Variants in H4C3 observed in about 807,000 individuals in gnomAD.
The protein encoded by H4C3 is histone H4.
H4C3 carries 10 observed loss-of-function variants against 5.3 expected under a neutral mutation model. The ratio of observed to expected loss-of-function variants is 1.87; its 90% CI spans 1.16 to 3.18. The LOEUF (loss-of-function observed/expected upper bound fraction) is 3.18. Among genes scored for constraint, H4C3 ranks in the 30% most tolerant of loss-of-function variants. The pLI is 0.00. For missense variants in H4C3, 191 were observed against 152.5 expected, an observed-to-expected ratio of 1.25 and a Z score of -1.33; for synonymous variants, 133 against 56.8, an observed-to-expected ratio of 2.34 and a Z score of -6.03.
chr6:26,104,304 A>G lies in H4C3; in HGVS notation c.*45A>G, dbSNP rs768755096. The stretch of plus-strand genomic sequence containing the variant: ...CCTGAGAACTTCAAAAAACAAAAAC[A>G]AAAAAACCCAAAGGCCCTTTTCAGG... On this transcript the variant is annotated 3_prime_UTR_variant, in exon 1 of 1. Transcript: ENST00000377803. The G allele has an allele frequency of 2.0e-6, 3 of 1,507,320 alleles. No homozygotes were observed. In the South Asian group the frequency reaches 4.0e-5, roughly 20 times the overall value. 93.4% of individuals were successfully genotyped at this position (1,507,320 alleles called of 1,614,324 possible).
In H4C3 at chr6:26,103,965, A is replaced by G. The variant is rs1763190965; in HGVS notation, c.18A>G (p.Lys6=). ...TAGGAATCATGTCTGGTCGCGGCAA[A>G]GGCGGAAAAGGCTTGGGGAAGGGTG... is the stretch of plus-strand genomic sequence containing the variant. The part of the protein sequence containing the change: MSGRG[K]GGKGLGKGGA... The change falls in exon 1 of 1, where the codon AAA becomes AAG. Residue 6 remains lysine, a synonymous_variant. Coordinates refer to ENST00000377803, the MANE Select transcript of H4C3 (RefSeq NM_003542.4). The G allele has an allele frequency of 3.1e-6, 5 of 1,607,780 alleles. No individual in the cohort carries two copies. In the African/African-American group the frequency reaches 4.0e-5, roughly 13 times the overall value.
rs763103771 is a variant in H4C3, at chr6:26,104,302, A to G, written c.*43A>G. ...CTCCTGAGAACTTCAAAAAACAAAA[A>G]CAAAAAAACCCAAAGGCCCTTTTCA... On this transcript the variant is annotated 3_prime_UTR_variant, in exon 1 of 1. Transcript: ENST00000377803. The G allele has an allele frequency of 1.6e-5, 24 of 1,523,480 alleles. No homozygotes were observed. Among genetic ancestry groups the G allele is most frequent in the Non-Finnish European group, 2.0e-5 (23 of 1,133,834 alleles). 94.4% of individuals were successfully genotyped at this position (1,523,480 alleles called of 1,614,324 possible).
Position 26,104,272 on chromosome 6 carries a change from G to A in H4C3, c.*13G>A. 6.3e-7 allele frequency: 1 copy of A among 1,578,768 alleles called. No homozygotes were observed. Among genetic ancestry groups the A allele is most frequent in the Non-Finnish European group, 8.6e-7 (1 of 1,158,804 alleles). On this transcript the variant is annotated 3_prime_UTR_variant, in exon 1 of 1. Coordinates refer to ENST00000377803, the MANE Select transcript of H4C3 (RefSeq NM_003542.4). ...CTTCGGCGGCTGAATCTAAGAATAC[G>A]CGGTCTCCTGAGAACTTCAAAAAAC...
rs1415498595 is a variant in H4C3 at position 26,104,007 on chromosome 6, T to G, written c.60T>G (p.Arg20=). The G allele has an allele frequency of 6.2e-7, 1 of 1,614,174 alleles. No individual in the cohort carries two copies. The highest frequency in any genetic ancestry group is 1.7e-5 in the Admixed American group (1 of 60,026). The change falls in exon 1 of 1, where the codon CGT becomes CGG. Residue 20 remains arginine (R), a synonymous_variant. Coordinates refer to ENST00000377803, the MANE Select transcript of H4C3 (RefSeq NM_003542.4). ...GLGKGGAKRH[R]KVLRDNIQGI... ...GGAAGGGTGGTGCTAAGCGCCATCGTAAGGTGCTCCGGGATAACATCCAGG... is the reference window on the plus strand; with the variant it reads ...GGAAGGGTGGTGCTAAGCGCCATCGGAAGGTGCTCCGGGATAACATCCAGG...
chr6:26,104,154 C>G lies in H4C3; in HGVS notation c.207C>G (p.Asp69Glu). Residue 69 changes from aspartate to glutamate, a missense_variant, in exon 1 of 1, where the codon GAC (aspartate) becomes GAG (glutamate). Physicochemically the swap from Asp to Glu is conservative, Grantham distance 45. Transcript: ENST00000377803. The stretch of plus-strand genomic sequence containing the variant: ...TTTTCTTAGAGAACGTTATTCGAGA[C>G]GCCGTCACCTATACGGAGCACGCCA... Reference protein sequence around the residue: ...LKVFLENVIRDAVTYTEHAKR... With the variant: ...LKVFLENVIREAVTYTEHAKR... The G allele has an allele frequency of 6.2e-7, 1 of 1,614,030 alleles. No individual in the cohort carries two copies. Among genetic ancestry groups the G allele is most frequent in the Non-Finnish European group, 8.5e-7 (1 of 1,180,018 alleles).
In H4C3 at chr6:26,104,132, T is replaced by C. The variant is rs768282563; in HGVS notation, c.185T>C (p.Phe62Ser). 21 of 1,614,140 alleles carry C rather than the reference T, an allele frequency of 1.3e-5. No homozygotes were observed. The highest frequency in any genetic ancestry group is 1.4e-5 in the Non-Finnish European group (17 of 1,180,012). The change falls in exon 1 of 1, where the codon TTC (phenylalanine) becomes TCC (serine). Residue 62 changes from phenylalanine to serine, a missense_variant. Physicochemically the swap from Phe to Ser is radical, Grantham distance 155. Coordinates refer to ENST00000377803, the MANE Select transcript of H4C3 (RefSeq NM_003542.4). The part of the protein sequence containing the change: ...YEETRGVLKV[F>S]LENVIRDAVT... ...GAGACTCGAGGTGTGCTTAAGGTTTTCTTAGAGAACGTTATTCGAGACGCC... is the reference window on the plus strand; with the variant it reads ...GAGACTCGAGGTGTGCTTAAGGTTTCCTTAGAGAACGTTATTCGAGACGCC...
In H4C3 at chr6:26,104,200, A is replaced by T. The variant is rs947589839; in HGVS notation, c.253A>T (p.Met85Leu). The change falls in exon 1 of 1, where the codon ATG (methionine) becomes TTG (leucine). Residue 85 changes from methionine (M) to leucine (L), a missense_variant. Transcript: ENST00000377803. ...EHAKRKTVTAMDVVYALKRQG... is the reference protein window; with the variant it reads ...EHAKRKTVTALDVVYALKRQG... Reference sequence around the variant, plus strand: ...CGCCAAGCGCAAAACTGTCACAGCCATGGATGTAGTATATGCCCTAAAACG... The same window carrying T: ...CGCCAAGCGCAAAACTGTCACAGCCTTGGATGTAGTATATGCCCTAAAACG... 6.2e-7 allele frequency: 1 copy of T among 1,614,138 alleles called. No individual in the cohort carries two copies. Among genetic ancestry groups the T allele is most frequent in the East Asian group, 2.2e-5 (1 of 44,888 alleles).
chr6:26,104,206 G>A lies in H4C3; in HGVS notation c.259G>A (p.Val87Ile), dbSNP rs1304411187. ...GCGCAAAACTGTCACAGCCATGGAT[G>A]TAGTATATGCCCTAAAACGTCAGGG... ...AKRKTVTAMD[V>I]VYALKRQGRT... The change falls in exon 1 of 1, where the codon GTA becomes ATA. Residue 87 changes from valine (V) to isoleucine (I), a missense_variant. Coordinates refer to ENST00000377803, the MANE Select transcript of H4C3 (RefSeq NM_003542.4). 4 of 1,614,046 alleles carry A rather than the reference G, an allele frequency of 2.5e-6. No homozygotes were observed. The highest frequency in any genetic ancestry group is 2.2e-5 in the South Asian group (2 of 91,078).
Position 26,104,278 on chromosome 6 carries a change from T to G in H4C3, c.*19T>G, listed in dbSNP as rs150173561. 3.0e-4 allele frequency: 467 copies of G among 1,549,962 alleles called. 1 individual carries two copies. The African/African-American group carries it at 5.9e-3, about 20-fold the overall frequency. ...CGGCTGAATCTAAGAATACGCGGTC[T>G]CCTGAGAACTTCAAAAAACAAAAAC... On this transcript the variant is annotated 3_prime_UTR_variant, in exon 1 of 1. Coordinates refer to ENST00000377803, the MANE Select transcript of H4C3 (RefSeq NM_003542.4).
Position 26,104,252 on chromosome 6 carries a change from G to T in H4C3, c.305G>T (p.Gly102Val), listed in dbSNP as rs1178343929. ...CAGGGGCGCACTCTGTATGGCTTCG[G>T]CGGCTGAATCTAAGAATACGCGGTC... is the stretch of plus-strand genomic sequence containing the variant. ...KRQGRTLYGF[G>V]G The change falls in exon 1 of 1, where the codon GGC (glycine) becomes GTC (valine). Residue 102 changes from glycine to valine, a missense_variant. Physicochemically the swap from Gly to Val is moderately radical, Grantham distance 109. Transcript: ENST00000377803. 6.3e-7 allele frequency: 1 copy of T among 1,588,270 alleles called. No individual in the cohort carries two copies. Among genetic ancestry groups the T allele is most frequent in the East Asian group, 2.3e-5 (1 of 44,296 alleles).
rs541270496 is a variant in H4C3 at position 26,104,290 on chromosome 6, C to A, written c.*31C>A. On this transcript the variant is annotated 3_prime_UTR_variant, in exon 1 of 1. Coordinates refer to ENST00000377803, the MANE Select transcript of H4C3 (RefSeq NM_003542.4). ...AGAATACGCGGTCTCCTGAGAACTT[C>A]AAAAAACAAAAACAAAAAAACCCAA... The A allele has an allele frequency of 1.6e-5, 25 of 1,530,752 alleles. No individual in the cohort carries two copies. The highest frequency in any genetic ancestry group is 4.4e-5 in the Admixed American group (2 of 45,956). 94.8% of individuals were successfully genotyped at this position (1,530,752 alleles called of 1,614,324 possible). A position where few individuals can be genotyped will look rare whatever the true frequency, so the allele number is the denominator to read the frequency against.
Position 26,104,205 on chromosome 6 carries a change from TGTA to T in H4C3, c.262_264del (p.Val88del). On this transcript the variant is annotated inframe_deletion, in exon 1 of 1. Transcript: ENST00000377803. ...AGCGCAAAACTGTCACAGCCATGGATGTAGTATATGCCCTAAAACGTCAGGGGC... is the reference window on the plus strand; with the variant it reads ...AGCGCAAAACTGTCACAGCCATGGATGTATATGCCCTAAAACGTCAGGGGC... 7 of 1,614,032 alleles carry T rather than the reference TGTA, an allele frequency of 4.3e-6. No homozygotes were observed. The highest frequency in any genetic ancestry group is 5.9e-6 in the Non-Finnish European group (7 of 1,179,958).
In H4C3 at chr6:26,104,116, G is replaced by A. The variant is rs550210245; in HGVS notation, c.169G>A (p.Gly57Ser). Residue 57 changes from glycine to serine, a missense_variant, in exon 1 of 1, where the codon GGT becomes AGT. Transcript: ENST00000377803. The part of the protein sequence containing the change: ...ISGLIYEETR[G>S]VLKVFLENVI... ...CGGTCTTATCTATGAGGAGACTCGAGGTGTGCTTAAGGTTTTCTTAGAGAA... is the reference window on the plus strand; with the variant it reads ...CGGTCTTATCTATGAGGAGACTCGAAGTGTGCTTAAGGTTTTCTTAGAGAA... 3 of 1,614,172 alleles carry A rather than the reference G, an allele frequency of 1.9e-6. No individual in the cohort carries two copies. Among genetic ancestry groups the A allele is most frequent in the Non-Finnish European group, 2.5e-6 (3 of 1,180,038 alleles).
rs1280403614 is a variant in H4C3 at position 26,104,297 on chromosome 6, C to A, written c.*38C>A. 6.6e-6 allele frequency: 10 copies of A among 1,525,660 alleles called. No individual in the cohort carries two copies. Among genetic ancestry groups the A allele is most frequent in the Admixed American group, 4.4e-5 (2 of 45,528 alleles). 94.5% of individuals were successfully genotyped at this position (1,525,660 alleles called of 1,614,324 possible). ...GCGGTCTCCTGAGAACTTCAAAAAA[C>A]AAAAACAAAAAAACCCAAAGGCCCT... On this transcript the variant is annotated 3_prime_UTR_variant, in exon 1 of 1. Transcript: ENST00000377803.
Position 26,104,054 on chromosome 6 carries a change from G to A in H4C3, c.107G>A (p.Arg36His). 6.2e-7 allele frequency: 1 copy of A among 1,614,158 alleles called. No homozygotes were observed. Among genetic ancestry groups the A allele is most frequent in the Non-Finnish European group, 8.5e-7 (1 of 1,180,026 alleles). The change falls in exon 1 of 1, where the codon CGC (arginine) becomes CAC (histidine). Residue 36 changes from arginine (R) to histidine (H), a missense_variant. Transcript: ENST00000377803. ...CAGGGCATTACAAAACCGGCTATTCGCCGTTTGGCTCGGCGCGGTGGCGTC... is the reference window on the plus strand; with the variant it reads ...CAGGGCATTACAAAACCGGCTATTCACCGTTTGGCTCGGCGCGGTGGCGTC... Reference protein sequence around the residue: ...NIQGITKPAIRRLARRGGVKR... With the variant: ...NIQGITKPAIHRLARRGGVKR...
chr6:26,104,173 C>G lies in H4C3; in HGVS notation c.226C>G (p.His76Asp), dbSNP rs779688394. 1 of 1,614,120 alleles carries G rather than the reference C, an allele frequency of 6.2e-7. No individual in the cohort carries two copies. Residue 76 changes from histidine (H) to aspartate (D), a missense_variant, in exon 1 of 1, where the codon CAC becomes GAC. Physicochemically the swap from His to Asp is moderately conservative, Grantham distance 81. Coordinates refer to ENST00000377803, the MANE Select transcript of H4C3 (RefSeq NM_003542.4). ...TCGAGACGCCGTCACCTATACGGAG[C>G]ACGCCAAGCGCAAAACTGTCACAGC... The part of the protein sequence containing the change: ...VIRDAVTYTE[H>D]AKRKTVTAMD...
Position 26,104,215 on chromosome 6 carries a change from G to A in H4C3, c.268G>A (p.Ala90Thr), listed in dbSNP as rs144469714. The change falls in exon 1 of 1, where the codon GCC becomes ACC. Residue 90 changes from alanine (A) to threonine (T), a missense_variant. Ala to Thr is a moderately conservative substitution (Grantham distance 58, BLOSUM62 0). Coordinates refer to ENST00000377803, the MANE Select transcript of H4C3 (RefSeq NM_003542.4). Reference sequence around the variant, plus strand: ...TGTCACAGCCATGGATGTAGTATATGCCCTAAAACGTCAGGGGCGCACTCT... The same window carrying A: ...TGTCACAGCCATGGATGTAGTATATACCCTAAAACGTCAGGGGCGCACTCT... ...KTVTAMDVVYALKRQGRTLYG... is the reference protein window; with the variant it reads ...KTVTAMDVVYTLKRQGRTLYG... 10 of 1,611,504 alleles carry A rather than the reference G, an allele frequency of 6.2e-6. No individual in the cohort carries two copies. Among genetic ancestry groups the A allele is most frequent in the African/African-American group, 1.3e-5 (1 of 74,846 alleles).
chr6:26,104,312 C>A lies in H4C3; in HGVS notation c.*53C>A. On this transcript the variant is annotated 3_prime_UTR_variant, in exon 1 of 1. Coordinates refer to ENST00000377803, the MANE Select transcript of H4C3 (RefSeq NM_003542.4). ...CTTCAAAAAACAAAAACAAAAAAAC[C>A]CAAAGGCCCTTTTCAGGGCCGCTCA... The A allele has an allele frequency of 6.7e-7, 1 of 1,493,750 alleles. No individual in the cohort carries two copies. The highest frequency in any genetic ancestry group is 9.0e-7 in the Non-Finnish European group (1 of 1,112,330). The allele number at this position is 1,493,750 out of a possible 1,614,324, so 92.5% of individuals were successfully genotyped here. A position where few individuals can be genotyped will look rare whatever the true frequency, so the allele number is the denominator to read the frequency against.
chr6:26,104,148 T>G lies in H4C3; in HGVS notation c.201T>G (p.Ile67Met). ...GVLKVFLENV[I>M]RDAVTYTEHA... ...TTAAGGTTTTCTTAGAGAACGTTAT[T>G]CGAGACGCCGTCACCTATACGGAGC... Residue 67 changes from isoleucine (I) to methionine (M), a missense_variant, in exon 1 of 1, where the codon ATT becomes ATG. Ile to Met is a conservative substitution (Grantham distance 10). Coordinates refer to ENST00000377803, the MANE Select transcript of H4C3 (RefSeq NM_003542.4). 1 of 1,614,146 alleles carries G rather than the reference T, an allele frequency of 6.2e-7. No homozygotes were observed. Among genetic ancestry groups the G allele is most frequent in the Non-Finnish European group, 8.5e-7 (1 of 1,180,034 alleles).
Sources: gnomAD v4.1 joint callset for allele counts on GRCh38, gnomAD v4.1.1 for gene constraint, MANE v1.5 for transcripts, NCBI Gene and HGNC (gene_info 2026-07-23, HGNC 2026-07-21) for gene names.